The following ROBO2 variants were observed in gnomAD, a reference collection of about 807,000 sequenced individuals.
The protein encoded by ROBO2 is roundabout guidance receptor 2.
A neutral mutation model predicts 160.8 loss-of-function variants in ROBO2; 53 were observed. The ratio of observed to expected loss-of-function variants is 0.33; its 90% CI spans 0.26 to 0.41. ROBO2 has a LOEUF of 0.41. ROBO2 is among the 10% of genes least tolerant of loss of function. The probability of loss-of-function intolerance (pLI) is 1.00; values close to 1 mark genes in which losing one functional copy is unlikely to be tolerated. For synonymous variants in ROBO2, 664 were observed against 611.7 expected, an observed-to-expected ratio of 1.09 and a Z score of -1.26; for missense variants, 1,577 against 1,722.4, an observed-to-expected ratio of 0.92 and a Z score of 1.49.
chr3:75,924,347 T>A (rs1335294739), intron 1 of ROBO2, among the ~76,000 whole-genome samples: 10 of 152,046 alleles, frequency 6.6e-5, no homozygotes, highest in Non-Finnish European at 1.5e-4. Flanking sequence ...TTGGGGAGAC[T>A]GGAGCCGAGG....
intron 2 of ROBO2, among the ~76,000 whole-genome samples, chr3:76,888,731 A>G (rs2074110984): frequency 6.6e-6 from 1 of 152,178 alleles, no homozygotes; most frequent in South Asian, 2.1e-4. Context: ...ATCTCATGCC[A>G]CTGGAAGACT....
rs376089017 is a variant in ROBO2, at chr3:77,048,025, C to T, written c.61+7179C>T. Among the ~76,000 whole-genome samples, 258 of 151,876 alleles carry T rather than the reference C, an allele frequency of 1.7e-3. 3 individuals are homozygous for T. In the South Asian group the frequency reaches 0.043, roughly 25 times the overall value. On this transcript the variant is annotated intron_variant, in intron 1 of 25. Coordinates refer to ENST00000461745, the Ensembl canonical transcript of ROBO2. ...TCGCGCCACTGCACTCCAGCCTCGGCGACAGAGTGAGACTCCGTCTCAAAA... is the reference window on the plus strand; with the variant it reads ...TCGCGCCACTGCACTCCAGCCTCGGTGACAGAGTGAGACTCCGTCTCAAAA...
At chr3:76,140,101 G>A (rs1049637691) in intron 2 of ROBO2, among the ~76,000 whole-genome samples, 1 of 151,922 alleles carries the variant, frequency 6.6e-6, no homozygotes, top group Non-Finnish European at 1.5e-5. Context: ...CCTTTAACTA[G>A]GCAGCTTTTG....
At chr3:76,276,168 C>T (rs569677067) in intron 2 of ROBO2, among the ~76,000 whole-genome samples, 1 of 151,936 alleles carries the variant, frequency 6.6e-6, no homozygotes, top group Non-Finnish European at 1.5e-5. Context: ...ATATTTTAAT[C>T]ACTCATAATT....
intron 5 of ROBO2, among the ~76,000 whole-genome samples, chr3:77,501,253 A>G (rs571192097): frequency 3.0e-4 from 46 of 152,236 alleles, no homozygotes; most frequent in African/African-American, 1.0e-3. Context: ...GAGATTTACC[A>G]CTGGAGACAC....
chr3:76,512,281 T>A (rs951928340), intron 2 of ROBO2, among the ~76,000 whole-genome samples: 1 of 148,510 alleles, frequency 6.7e-6, no homozygotes, highest in Non-Finnish European at 1.5e-5. Context: ...TATATATATA[T>A]GGAATAAATG....
At chr3:76,065,896 T>A (rs2068238497) in intron 2 of ROBO2, among the ~76,000 whole-genome samples, 1 of 151,932 alleles carries the variant, frequency 6.6e-6, no homozygotes, top group Admixed American at 6.6e-5. Flanking sequence ...AAATTGTTCA[T>A]CCCATGGCAG....
At chr3:76,347,397 A>G (rs182142565) in intron 2 of ROBO2, among the ~76,000 whole-genome samples, 2 of 152,224 alleles carry the variant, frequency 1.3e-5, no homozygotes, top group Non-Finnish European at 2.9e-5. Context: ...ATTGTGTGTG[A>G]TGATGTTAGT....
At chr3:76,478,620 T>A (rs2079055175) in intron 2 of ROBO2, among the ~76,000 whole-genome samples, 1 of 151,970 alleles carries the variant, frequency 6.6e-6, no homozygotes, top group African/African-American at 2.4e-5. Flanking sequence ...GTTGATTAAA[T>A]GTGCATTAAA....
chr3:76,146,028 T>C (rs780707922), intron 2 of ROBO2, among the ~76,000 whole-genome samples: 13 of 152,024 alleles, frequency 8.6e-5, no homozygotes, highest in Non-Finnish European at 1.3e-4. Context: ...ACTTTAATTC[T>C]GGTTTATATC....
intron 2 of ROBO2, among the ~76,000 whole-genome samples, chr3:76,640,372 A>G (rs890251881): frequency 6.6e-6 from 1 of 152,148 alleles, no homozygotes; most frequent in Admixed American, 6.5e-5. Flanking sequence ...CTCTACTAAA[A>G]ATACAAAAAT....
chr3:76,587,517 G>A (rs2086124313), intron 2 of ROBO2, among the ~76,000 whole-genome samples: 1 of 152,132 alleles, frequency 6.6e-6, no homozygotes, highest in South Asian at 2.1e-4. Context: ...AGTGCCCAGT[G>A]AAGGGGGAAG....
chr3:76,184,287 C>G (rs539668142), intron 2 of ROBO2, among the ~76,000 whole-genome samples: 5 of 152,152 alleles, frequency 3.3e-5, no homozygotes, highest in Non-Finnish European at 7.4e-5. Context: ...CACATAGTCT[C>G]TCCTCCTCCA....
intron 17 of ROBO2, among the ~76,000 whole-genome samples, chr3:77,592,844 G>A (rs2094212065): frequency 6.6e-6 from 1 of 152,122 alleles, no homozygotes; most frequent in African/African-American, 2.4e-5. Flanking sequence ...GAGCCACCAT[G>A]CCCGGCCTCA....
chr3:76,188,376 C>T (rs947693493), intron 2 of ROBO2, among the ~76,000 whole-genome samples: 2 of 152,010 alleles, frequency 1.3e-5, no homozygotes, highest in East Asian at 3.9e-4. Flanking sequence ...AAGACTTACA[C>T]AAAGGAGACG....
At chr3:77,467,236 G>T in intron 2 of ROBO2, among the ~76,000 whole-genome samples, 1 of 152,206 alleles carries the variant, frequency 6.6e-6, no homozygotes, top group East Asian at 1.9e-4. Context: ...ATTTAAAAGT[G>T]CATGTAAACA....
intron 2 of ROBO2, among the ~76,000 whole-genome samples, chr3:76,159,404 A>T (rs17013890): frequency 0.011 from 1,719 of 152,310 alleles, 41 homozygotes; most frequent in African/African-American, 0.039. Context: ...AACTCATTAG[A>T]TTTTTTGGAA....
intron 2 of ROBO2, among the ~76,000 whole-genome samples, chr3:76,558,405 A>G (rs1193195935): frequency 6.6e-6 from 1 of 152,084 alleles, no homozygotes; most frequent in Non-Finnish European, 1.5e-5. Context: ...AAATGTCATT[A>G]TGAAGTTATA....
At chr3:76,790,357 G>A (rs374339051) in intron 2 of ROBO2, among the ~76,000 whole-genome samples, 13 of 151,752 alleles carry the variant, frequency 8.6e-5, no homozygotes, top group Admixed American at 3.9e-4. Flanking sequence ...TGCAGAGTAC[G>A]TTTTCAGAAG....
Sources: gnomAD v4.1 joint callset for allele counts (sites outside exome capture counted in the v4.1 genomes callset) on GRCh38, gnomAD v4.1.1 for gene constraint, MANE v1.5 for transcripts, NCBI Gene and HGNC (gene_info 2026-07-23, HGNC 2026-07-21) for gene names.